The following TUBA3E variants were observed in gnomAD, a reference collection of about 807,000 sequenced individuals.
The protein encoded by TUBA3E is tubulin alpha 3e.
Under a neutral mutation model 36.7 loss-of-function variants are expected in TUBA3E, and 21 were observed. That is an observed-to-expected ratio of 0.57 (90% CI 0.41 to 0.83). The LOEUF (loss-of-function observed/expected upper bound fraction) is 0.83, where lower values mean the gene tolerates loss of function less well. Ranked by LOEUF, TUBA3E falls within the 40% of genes least tolerant of loss-of-function variation. TUBA3E has a pLI of 0.00. For synonymous variants in TUBA3E, 177 were observed against 241.9 expected, an observed-to-expected ratio of 0.73 and a Z score of 2.49; for missense variants, 469 against 604.2, an observed-to-expected ratio of 0.78 and a Z score of 2.35.
intron 4 of TUBA3E, among the ~76,000 whole-genome samples, chr2:130,193,329 C>G (rs1391005535): frequency 1.3e-5 from 2 of 152,028 alleles, no homozygotes; most frequent in African/African-American, 4.8e-5. Context: ...CATCACTGAC[C>G]TGGGCGCAGT....
intron 3 of TUBA3E, among the ~76,000 whole-genome samples, chr2:130,194,826 T>A (rs1454656597): frequency 6.6e-6 from 1 of 152,168 alleles, no homozygotes; most frequent in Non-Finnish European, 1.5e-5. Context: ...TACAGGTGTG[T>A]GCCACCACAC....
chr2:130,195,534 T>C (rs1215288543), intron 2 of TUBA3E, among the ~76,000 whole-genome samples: 2 of 152,260 alleles, frequency 1.3e-5, no homozygotes, highest in Admixed American at 6.5e-5. Flanking sequence ...TACGTGTAGC[T>C]ACATCAAAGG....
At chr2:130,197,492 C>CAA (rs1202771961) in intron 1 of TUBA3E, among the ~76,000 whole-genome samples, 983 of 44,338 alleles carry the variant, frequency 0.022, 87 homozygotes, top group African/African-American at 0.059. Context: ...AGTGCTGTCT[C>CAA]AAAAAAAAAA....
chr2:130,194,757 A>C lies in TUBA3E; in HGVS notation c.376-291T>G, dbSNP rs144247741. ...CAGTGGTGCAATCTCAGCTCACTGC[A>C]ACCTCCACCTTCCGAGTTCAAGCAA... On this transcript the variant is annotated intron_variant, in intron 3 of 4. Transcript: ENST00000312988. Among the ~76,000 whole-genome samples, 914 of 152,250 alleles carry C rather than the reference A, an allele frequency of 6.0e-3. 14 individuals carry two copies. Among genetic ancestry groups the C allele is most frequent in the Admixed American group, 0.04 (613 of 15,286 alleles).
chr2:130,197,154 T>C lies in TUBA3E; in HGVS notation c.4-783A>G, dbSNP rs183467440. Among the ~76,000 whole-genome samples the C allele has an allele frequency of 4.5e-4, 68 of 152,268 alleles. 1 individual carries two copies. The Middle Eastern group carries it at 0.01, about 23-fold the overall frequency. The stretch of plus-strand genomic sequence containing the variant: ...CTACGGGTGTAATGGCTCCCAGACA[T>C]CATCAGTGCTGGGACACTGCACTGT... On this transcript the variant is annotated intron_variant, in intron 1 of 4. Coordinates refer to ENST00000312988, the MANE Select transcript of TUBA3E (RefSeq NM_207312.3).
Position 130,191,994 on chromosome 2 carries a change from A to T in TUBA3E, c.1190T>A (p.Leu397His). Residue 397 changes from leucine (L) to histidine (H), a missense_variant, in exon 5 of 5, where the codon CTC becomes CAC. By Grantham distance (99) the Leu-to-His change is moderately conservative. Transcript: ENST00000312988. ...AWARLVHKFD[L>H]MYAKWAFVHW... is the part of the protein sequence containing the mutation. The stretch of plus-strand genomic sequence containing the variant: ...CACAAAGGCCCACTTGGCATACATG[A>T]GATCGAACTTATGGACCAGGCGGGC... 6.2e-7 allele frequency: 1 copy of T among 1,613,990 alleles called. No individual in the cohort carries two copies. Among genetic ancestry groups the T allele is most frequent in the Non-Finnish European group, 8.5e-7 (1 of 1,180,008 alleles).
chr2:130,197,038 C>T (rs1690424475), intron 1 of TUBA3E, among the ~76,000 whole-genome samples: 1 of 152,188 alleles, frequency 6.6e-6, no homozygotes, highest in Non-Finnish European at 1.5e-5. Context: ...ACCTGAATCC[C>T]TCTCAAGGCT....
rs1367978408 is a variant in TUBA3E at position 130,196,161 on chromosome 2, G to A, written c.214C>T (p.Pro72Ser). 6 of 1,613,154 alleles carry A rather than the reference G, an allele frequency of 3.7e-6. No homozygotes were observed. In the Admixed American group the frequency reaches 6.7e-5, roughly 18 times the overall value. Residue 72 changes from proline (P) to serine (S), a missense_variant, in exon 2 of 5, where the codon CCC (proline) becomes TCC (serine). Around this residue, in one of 3 missense-constraint regions of TUBA3E, gnomAD observed 169 missense variants for 239.0 expected, o/e 0.71. Coordinates refer to ENST00000312988, the MANE Select transcript of TUBA3E (RefSeq NM_207312.3). The part of the protein sequence containing the change: ...VPRAVFVDLE[P>S]TVVDEVRTGT... ...CCCAGGCACCTACCGACCACAGTGGGCTCCAGGTCCACAAACACTGCTCTG... is the reference window on the plus strand; with the variant it reads ...CCCAGGCACCTACCGACCACAGTGGACTCCAGGTCCACAAACACTGCTCTG...
intron 2 of TUBA3E, among the ~76,000 whole-genome samples, chr2:130,195,599 G>A (rs548979445): frequency 6.6e-6 from 1 of 152,348 alleles, no homozygotes; most frequent in Admixed American, 6.5e-5. Context: ...TGTGACTTCT[G>A]CAGGGCAGTC....
intron 1 of TUBA3E, 62 bp from the exon 2 acceptor site, chr2:130,196,433 T>C: frequency 6.4e-7 from 1 of 1,569,522 alleles, no homozygotes; most frequent in Non-Finnish European, 8.6e-7. Context: ...CTATATGGCA[T>C]GCAAAATATT....
chr2:130,192,225 C>G, intron 4 of TUBA3E, 98 bp from the exon 5 acceptor site: 1 of 1,493,682 alleles, frequency 6.7e-7, no homozygotes, highest in Non-Finnish European at 9.0e-7. Flanking sequence ...GTAGGTGACA[C>G]GGAGAATGCT....
rs200445657 is a variant in TUBA3E at position 130,195,156 on chromosome 2, C to T, written c.298G>A (p.Ala100Thr). ...EQLITGKEDA[A>T]SNYARGHYTI... is the part of the protein sequence containing the mutation. Reference sequence around the variant, plus strand: ...TAATGGCCCCTGGCGTAATTACTGGCTGCATCTTCCTTCCCGGTGATCAGC... The same window carrying T: ...TAATGGCCCCTGGCGTAATTACTGGTTGCATCTTCCTTCCCGGTGATCAGC... The change falls in exon 3 of 5, where the codon GCC becomes ACC. Residue 100 changes from alanine to threonine, a missense_variant. By Grantham distance (58) the Ala-to-Thr change is moderately conservative. This residue lies in a region of TUBA3E where 169 missense variants were observed against 239.0 expected (regional missense o/e 0.71). Transcript: ENST00000312988. 106 of 1,613,846 alleles carry T rather than the reference C, an allele frequency of 6.6e-5. 1 individual carries two copies. In the East Asian group the frequency reaches 2.2e-3, roughly 33 times the overall value.
In TUBA3E at chr2:130,197,754, G is replaced by A. The variant is rs183950881; in HGVS notation, c.3+604C>T. Among the ~76,000 whole-genome samples, 21 of 122,744 alleles carry A rather than the reference G, an allele frequency of 1.7e-4. 6 individuals are homozygous for A. The highest frequency in any genetic ancestry group is 3.4e-4 in the Non-Finnish European group (19 of 55,774). The allele number at this position is 122,744 out of a possible 152,430, so 80.5% of individuals were successfully genotyped here. On this transcript the variant is annotated intron_variant, in intron 1 of 4. Coordinates refer to ENST00000312988, the MANE Select transcript of TUBA3E (RefSeq NM_207312.3). Reference sequence around the variant, plus strand: ...CCCGAGTAGCTGGAACCACAGACTCGCATCACCATGCCCGGGTAATTTTAG... The same window carrying A: ...CCCGAGTAGCTGGAACCACAGACTCACATCACCATGCCCGGGTAATTTTAG...
chr2:130,197,510 A>AAG (rs1182828964), intron 1 of TUBA3E, among the ~76,000 whole-genome samples: 1 of 110,370 alleles, frequency 9.1e-6, no homozygotes, highest in African/African-American at 4.3e-5. Flanking sequence ...AAAAAAAAAG[A>AAG]AAAGAAAAGA....
chr2:130,196,144 C>T lies in TUBA3E; in HGVS notation c.226+5G>A. On this transcript the variant is annotated splice_donor_5th_base_variant and intron_variant, in intron 2 of 4. Coordinates refer to ENST00000312988, the MANE Select transcript of TUBA3E (RefSeq NM_207312.3). ...AAAGCTGCCATCCAGTGCCCAGGCA[C>T]CTACCGACCACAGTGGGCTCCAGGT... is the stretch of plus-strand genomic sequence containing the variant. The T allele has an allele frequency of 6.2e-7, 1 of 1,610,656 alleles. No individual in the cohort carries two copies. The highest frequency in any genetic ancestry group is 8.5e-7 in the Non-Finnish European group (1 of 1,177,494).
chr2:130,193,287 A>G (rs1275423371), intron 4 of TUBA3E, among the ~76,000 whole-genome samples: 1 of 151,980 alleles, frequency 6.6e-6, no homozygotes, highest in Admixed American at 6.6e-5. Context: ...CCACAGATAT[A>G]TAGTGTGATG....
chr2:130,197,854 C>T lies in TUBA3E; in HGVS notation c.3+504G>A, dbSNP rs368250756. Among the ~76,000 whole-genome samples, 2 of 124,966 alleles carry T rather than the reference C, an allele frequency of 1.6e-5. 1 individual carries two copies. Among genetic ancestry groups the T allele is most frequent in the East Asian group, 5.2e-4 (2 of 3,882 alleles). 82.0% of individuals were successfully genotyped at this position (124,966 alleles called of 152,430 possible). A position where few individuals can be genotyped will look rare whatever the true frequency, so the allele number is the denominator to read the frequency against. Reference sequence around the variant, plus strand: ...AACTCCAGACATCAGGGGATCCGCCCGCCTCCACCTCCCCAAGGGCTGGGA... The same window carrying T: ...AACTCCAGACATCAGGGGATCCGCCTGCCTCCACCTCCCCAAGGGCTGGGA... On this transcript the variant is annotated intron_variant, in intron 1 of 4. Transcript: ENST00000312988.
At chr2:130,198,148 C>T (rs1690457767) in intron 1 of TUBA3E, among the ~76,000 whole-genome samples, 1 of 122,832 alleles carries the variant, frequency 8.1e-6, no homozygotes, top group South Asian at 2.8e-4. Flanking sequence ...CACTAAAGGC[C>T]GGCAGCTTCA....
intron 4 of TUBA3E, among the ~76,000 whole-genome samples, 176 bp downstream of exon 4, chr2:130,193,606 CAAAA>C (rs34918027): frequency 8.4e-5 from 8 of 95,044 alleles, no homozygotes; most frequent in African/African-American, 1.2e-4. Context: ...AAGACTGTCT[CAAAA>C]AAAAAAAAAA....
Sources: allele counts gnomAD v4.1 joint callset (sites outside exome capture counted in the v4.1 genomes callset), GRCh38; gene constraint gnomAD v4.1.1; regional missense constraint gnomAD v4.1.1; transcripts MANE v1.5; gene names NCBI Gene and HGNC (gene_info 2026-07-23, HGNC 2026-07-21).